SLC17A1: variants seen among roughly 807,000 people sequenced by gnomAD.
SLC17A1 encodes solute carrier family 17 member 1, also known as sodium-dependent phosphate transport protein 1.
A neutral mutation model predicts 53.5 loss-of-function variants in SLC17A1; 51 were observed. The ratio of observed to expected loss-of-function variants is 0.95; its 90% CI spans 0.76 to 1.20. The LOEUF is 1.20. Ranked by LOEUF, SLC17A1 falls within the 50% of genes most tolerant of loss-of-function variation. The pLI, the probability that SLC17A1 is intolerant of heterozygous loss-of-function variation, is 0.00. For synonymous variants in SLC17A1, 179 were observed against 198.8 expected (o/e 0.90, Z 0.84); for missense variants, 538 against 568.2 (o/e 0.95, Z 0.54).
chr6:25,731,986 T>C, the SLC17A1 span: 13 of 1,587,818 alleles, frequency 8.2e-6, no homozygotes, highest in East Asian at 4.6e-5. Flanking sequence ...ATGATACTCA[T>C]GGCCTTGGAA....
chr6:25,726,390 T>TA, the SLC17A1 span: 1 of 1,614,174 alleles, frequency 6.2e-7, no homozygotes, highest in Non-Finnish European at 8.5e-7. Flanking sequence ...CTGGTGCGCC[T>TA]GCCCCTATCC....
chr6:25,779,348 A>C (rs1763193136), downstream of SLC17A1: 1 of 919,274 alleles, frequency 1.1e-6, no homozygotes, highest in Non-Finnish European at 1.6e-6. Flanking sequence ...CAGGGGAAGA[A>C]AACACGCTAG....
At chr6:25,756,376 A>G in the SLC17A1 span, among the ~76,000 whole-genome samples, 2 of 152,100 alleles carry the variant, frequency 1.3e-5, no homozygotes, top group African/African-American at 4.8e-5. Flanking sequence ...CATTTCACAC[A>G]ACCACACTAG....
chr6:25,776,725 T>C, the SLC17A1 span: 3 of 1,613,822 alleles, frequency 1.9e-6, no homozygotes, highest in East Asian at 4.5e-5. Flanking sequence ...TTCACTGCCA[T>C]TGGTAAGGGA....
the SLC17A1 span, among the ~76,000 whole-genome samples, chr6:25,773,093 C>T: frequency 0.018 from 2,748 of 152,302 alleles, 75 homozygotes; most frequent in African/African-American, 0.06. Flanking sequence ...AGTTGTATGG[C>T]CAAGGCCAAA....
intron 12 of SLC17A1, among the ~76,000 whole-genome samples, chr6:25,792,150 T>A (rs544322501): frequency 1.7e-4 from 26 of 152,244 alleles, no homozygotes; most frequent in Admixed American, 1.3e-4. Flanking sequence ...CCTTTTATAT[T>A]TGGGACTTCC....
At chr6:25,786,179 G>A (rs1228841872) in intron 12 of SLC17A1, among the ~76,000 whole-genome samples, 2 of 152,214 alleles carry the variant, frequency 1.3e-5, no homozygotes, top group East Asian at 3.8e-4. Context: ...GCTACGACAT[G>A]AGTGAACTTT....
At chr6:25,771,430 C>T in the SLC17A1 span, among the ~76,000 whole-genome samples, 4 of 151,786 alleles carry the variant, frequency 2.6e-5, no homozygotes, top group Middle Eastern at 3.4e-3. Context: ...AAAAATTAGC[C>T]GAGTGTGATG....
At chr6:25,762,115 T>A in the SLC17A1 span, 3 of 1,433,606 alleles carry the variant, frequency 2.1e-6, no homozygotes, top group Non-Finnish European at 2.9e-6. Flanking sequence ...CTGTAACTTG[T>A]GGTACTAAAT....
chr6:25,779,393 G>A (rs1379880847), downstream of SLC17A1: 38 of 566,922 alleles, frequency 6.7e-5, no homozygotes, highest in East Asian at 8.0e-4. Context: ...GCATAGGTGT[G>A]TTGAGATTTC....
At chr6:25,766,689 C>T in the SLC17A1 span, among the ~76,000 whole-genome samples, 1 of 152,148 alleles carries the variant, frequency 6.6e-6, no homozygotes, top group African/African-American at 2.4e-5. Context: ...CACATAATCC[C>T]AGTCTAATCA....
the SLC17A1 span, chr6:25,732,238 C>A: frequency 6.1e-6 from 2 of 325,440 alleles, no homozygotes; most frequent in Non-Finnish European, 1.2e-5. Flanking sequence ...ATAGGCATGG[C>A]CCTCAACCTA....
At chr6:25,731,684 C>T in the SLC17A1 span, 1 of 824,960 alleles carries the variant, frequency 1.2e-6, no homozygotes, top group Non-Finnish European at 1.8e-6. Context: ...GAGGCATACT[C>T]TATAATAAAA....
At chr6:25,727,411 T>TTG in the SLC17A1 span, 1 of 933,064 alleles carries the variant, frequency 1.1e-6, no homozygotes, top group Non-Finnish European at 1.5e-6. Flanking sequence ...TTTTTTTTTT[T>TTG]TTGAGGCGGA....
chr6:25,743,706 A>G, the SLC17A1 span, among the ~76,000 whole-genome samples: 1 of 152,234 alleles, frequency 6.6e-6, no homozygotes, highest in African/African-American at 2.4e-5. Flanking sequence ...ATCCACATTA[A>G]ACAAGGGTTA....
chr6:25,779,231 T>C (rs370791969), downstream of SLC17A1: 94 of 1,607,922 alleles, frequency 5.8e-5, 3 homozygotes, highest in South Asian at 9.7e-4. Context: ...TAGTTCATCA[T>C]TGTTTTCCCT....
At chr6:25,820,812 T>C (rs966871445) in intron 3 of SLC17A1, among the ~76,000 whole-genome samples, 1 of 143,182 alleles carries the variant, frequency 7.0e-6, no homozygotes, top group African/African-American at 2.6e-5. Flanking sequence ...GGCAGGAGAA[T>C]GGCGTGAACC....
At chr6:25,758,699 C>T in the SLC17A1 span, among the ~76,000 whole-genome samples, 44 of 152,056 alleles carry the variant, frequency 2.9e-4, no homozygotes, top group African/African-American at 9.4e-4. Flanking sequence ...TGGTTAGTGT[C>T]GCTGATGGTC....
the SLC17A1 span, chr6:25,773,621 A>G: frequency 4.3e-6 from 7 of 1,613,930 alleles, 2 homozygotes; most frequent in South Asian, 7.7e-5. Context: ...TTATACCATT[A>G]TGGCGTACAC....
Sources: gnomAD v4.1 joint callset for allele counts (sites outside exome capture counted in the v4.1 genomes callset) on GRCh38, gnomAD v4.1.1 for gene constraint, MANE v1.5 for transcripts, NCBI Gene and HGNC (gene_info 2026-07-23, HGNC 2026-07-21) for gene names.